DLG2: variants seen among roughly 807,000 people sequenced by gnomAD.
The protein encoded by DLG2 is discs large MAGUK scaffold protein 2.
In DLG2, 45 loss-of-function variants were observed where a neutral mutation model predicts 132.5. The observed-to-expected ratio is 0.34, with a 90% CI of 0.27 to 0.44. DLG2 has a LOEUF of 0.44. Among genes scored for constraint, DLG2 ranks in the 20% least tolerant of loss-of-function variants. The pLI, the probability that DLG2 is intolerant of heterozygous loss-of-function variation, is 1.00. For synonymous variants in DLG2, 424 were observed against 419.6 expected (o/e 1.01, Z -0.13); for missense variants, 1,045 against 1,196.9 (o/e 0.87, Z 1.87).
intron 18 of DLG2, among the ~76,000 whole-genome samples, chr11:83,770,278 T>TTTTTTTTTTTTTTTTTC (rs1357001300): frequency 6.6e-6 from 1 of 151,578 alleles, no homozygotes; most frequent in Non-Finnish European, 1.5e-5. Context: ...TTTTTGCTTT[T>TTTTTTTTTTTTTTTTTC]TGTACAAAGA....
intron 15 of DLG2, among the ~76,000 whole-genome samples, chr11:83,889,503 T>C (rs1254971126): frequency 1.3e-5 from 2 of 152,198 alleles, no homozygotes. Flanking sequence ...TTTTACACTG[T>C]TGGTGGGACT....
At chr11:85,343,128 A>G (rs2082609100) in intron 3 of DLG2, among the ~76,000 whole-genome samples, 1 of 152,208 alleles carries the variant, frequency 6.6e-6, no homozygotes, top group Non-Finnish European at 1.5e-5. Flanking sequence ...TGTCTCAAAA[A>G]TGTCATTTGA....
At chr11:84,727,077 CT>C (rs2062569812) in intron 6 of DLG2, among the ~76,000 whole-genome samples, 1 of 152,208 alleles carries the variant, frequency 6.6e-6, no homozygotes, top group Non-Finnish European at 1.5e-5. Context: ...GTTTCTTTTG[CT>C]GTGCAGAAGC....
Position 84,658,608 on chromosome 11 carries a change from C to G in DLG2, c.358-123877G>C, listed in dbSNP as rs1038673924. Reference sequence around the variant, plus strand: ...TTCCTCATGAATGATTTGGTGATCTCCCCATGGTAATGAGTTAGTTCTCAC... The same window carrying G: ...TTCCTCATGAATGATTTGGTGATCTGCCCATGGTAATGAGTTAGTTCTCAC... On this transcript the variant is annotated intron_variant, in intron 6 of 27. Coordinates refer to ENST00000376104, the MANE Select transcript of DLG2 (RefSeq NM_001142699.3). Among the ~76,000 whole-genome samples the G allele has an allele frequency of 2.6e-5, 4 of 152,044 alleles. No individual in the cohort carries two copies. In the East Asian group the frequency reaches 7.7e-4, roughly 29 times the overall value.
chr11:84,867,772 C>T (rs2084811786), intron 6 of DLG2, among the ~76,000 whole-genome samples: 1 of 152,110 alleles, frequency 6.6e-6, no homozygotes, highest in African/African-American at 2.4e-5. Context: ...TTGTCAGGAC[C>T]TTGTTTCATA....
rs10571202 is a variant in DLG2, at chr11:85,027,173, CTTTTTTTTTTTTTTT to C, written c.357+84473_357+84487del. Among the ~76,000 whole-genome samples the C allele has an allele frequency of 3.5e-3, 246 of 69,368 alleles. 1 individual carries two copies. Among genetic ancestry groups the C allele is most frequent in the Middle Eastern group, 0.011 (1 of 92 alleles). The allele number at this position is 69,368 out of a possible 152,430, so 45.5% of individuals were successfully genotyped here. A position where few individuals can be genotyped will look rare whatever the true frequency, so the allele number is the denominator to read the frequency against. ...TAAAGCAGCATATACAGTGTGGTCT[CTTTTTTTTTTTTTTT>C]TTTTTTTTTTTTTTGCTGAAAGTGC... On this transcript the variant is annotated intron_variant, in intron 6 of 27. Transcript: ENST00000376104.
chr11:84,498,689 C>T (rs1453661262), intron 7 of DLG2, among the ~76,000 whole-genome samples: 2 of 152,142 alleles, frequency 1.3e-5, no homozygotes, highest in Non-Finnish European at 2.9e-5. Context: ...CTGAGGCAGC[C>T]ATTGCCTACA....
intron 3 of DLG2, among the ~76,000 whole-genome samples, chr11:85,477,599 C>T (rs939445786): frequency 6.6e-6 from 1 of 152,166 alleles, no homozygotes; most frequent in Non-Finnish European, 1.5e-5. Context: ...TGTTAAATTG[C>T]TGTATGTTCT....
chr11:84,110,968 C>T (rs2093317136), intron 9 of DLG2, among the ~76,000 whole-genome samples: 1 of 151,876 alleles, frequency 6.6e-6, no homozygotes, highest in Admixed American at 6.6e-5. Flanking sequence ...CCGAGGAACA[C>T]ATAAAGAAAA....
At chr11:84,569,210 C>G (rs778438718) in intron 6 of DLG2, among the ~76,000 whole-genome samples, 1 of 152,168 alleles carries the variant, frequency 6.6e-6, no homozygotes, top group Non-Finnish European at 1.5e-5. Flanking sequence ...CCAGCTGGTC[C>G]TTCCAGAATC....
intron 7 of DLG2, among the ~76,000 whole-genome samples, chr11:84,450,228 C>T (rs143534676): frequency 8.8e-4 from 134 of 151,844 alleles, no homozygotes; most frequent in Non-Finnish European, 1.7e-3. Context: ...TATCTTTAAG[C>T]CATGGCGTAA....
At chr11:84,046,742 CTAGATAACCCA>C (rs2096250024) in intron 11 of DLG2, among the ~76,000 whole-genome samples, 1 of 151,570 alleles carries the variant, frequency 6.6e-6, no homozygotes, top group African/African-American at 2.4e-5. Context: ...GATCTCATAA[CTAGATAACCCA>C]TAGAATTTTC....
intron 4 of DLG2, among the ~76,000 whole-genome samples, chr11:85,206,082 T>C (rs1595374950): frequency 6.6e-6 from 1 of 152,100 alleles, no homozygotes; most frequent in East Asian, 1.9e-4. Flanking sequence ...ATCCTCAAGA[T>C]AATGAGTTCT....
intron 3 of DLG2, among the ~76,000 whole-genome samples, chr11:85,516,137 T>A (rs1332640926): frequency 6.6e-6 from 1 of 151,994 alleles, no homozygotes; most frequent in Non-Finnish European, 1.5e-5. Context: ...TAGAAATCAA[T>A]TCTAAGAAGA....
intron 7 of DLG2, among the ~76,000 whole-genome samples, chr11:84,332,857 T>G (rs2098467206): frequency 6.6e-6 from 1 of 152,290 alleles, no homozygotes; most frequent in East Asian, 1.9e-4. Context: ...CTGGTATGGT[T>G]ACTGTGCCAT....
At chr11:85,238,389 G>A (rs191682761) in intron 4 of DLG2, among the ~76,000 whole-genome samples, 49 of 151,548 alleles carry the variant, frequency 3.2e-4, no homozygotes, top group African/African-American at 9.2e-4. Context: ...GACTACAGGC[G>A]TGCACCACCA....
intron 10 of DLG2, among the ~76,000 whole-genome samples, chr11:84,080,074 C>A (rs896624965): frequency 2.0e-5 from 3 of 152,130 alleles, no homozygotes; most frequent in Admixed American, 1.3e-4. Context: ...GGTTGATTAC[C>A]GTGTTGGGTT....
chr11:85,013,354 C>T (rs560271514), intron 6 of DLG2, among the ~76,000 whole-genome samples: 8 of 152,154 alleles, frequency 5.3e-5, no homozygotes, highest in Non-Finnish European at 1.2e-4. Context: ...AACATTAAGA[C>T]TTCTGGTTGC....
At chr11:84,158,648 A>G (rs58691087) in intron 9 of DLG2, among the ~76,000 whole-genome samples, 2,935 of 152,304 alleles carry the variant, frequency 0.019, 71 homozygotes, top group African/African-American at 0.065. Flanking sequence ...TATTACTTAA[A>G]TTAAACGTTA....
Sources: gnomAD v4.1 joint callset for allele counts (sites outside exome capture counted in the v4.1 genomes callset) on GRCh38, gnomAD v4.1.1 for gene constraint, MANE v1.5 for transcripts, NCBI Gene and HGNC (gene_info 2026-07-23, HGNC 2026-07-21) for gene names.